SLC4A10: variants seen among roughly 807,000 people sequenced by gnomAD.
The protein encoded by SLC4A10 is solute carrier family 4 member 10, also known as sodium-driven chloride bicarbonate exchanger.
SLC4A10 carries 42 observed loss-of-function variants against 137.7 expected under a neutral mutation model. The ratio of observed to expected loss-of-function variants is 0.30; its 90% CI spans 0.24 to 0.39. The LOEUF is 0.39. Among genes scored for constraint, SLC4A10 ranks in the 10% least tolerant of loss-of-function variants. SLC4A10 has a pLI of 1.00. For synonymous variants in SLC4A10, 474 were observed against 464.1 expected, an observed-to-expected ratio of 1.02 and a Z score of -0.27; for missense variants, 925 against 1,355.0, an observed-to-expected ratio of 0.68 and a Z score of 4.98.
At chr2:161,895,174 T>A (rs1317052269) in intron 11 of SLC4A10, among the ~76,000 whole-genome samples, 4 of 151,830 alleles carry the variant, frequency 2.6e-5, no homozygotes, top group African/African-American at 9.7e-5. Context: ...TTTGGTTTTT[T>A]GCCCTTGCGA....
intron 1 of SLC4A10, among the ~76,000 whole-genome samples, chr2:161,683,383 T>G (rs977056315): frequency 2.0e-5 from 3 of 152,140 alleles, no homozygotes; most frequent in African/African-American, 7.2e-5. Flanking sequence ...GAAACTTCCT[T>G]TAGAAATAAG....
intron 11 of SLC4A10, among the ~76,000 whole-genome samples, chr2:161,897,666 A>G (rs534355984): frequency 6.6e-6 from 1 of 152,244 alleles, no homozygotes; most frequent in African/African-American, 2.4e-5. Flanking sequence ...CTGCTACCAC[A>G]TATTTCAGTT....
chr2:161,967,184 G>T (rs1697753008), intron 23 of SLC4A10, among the ~76,000 whole-genome samples: 1 of 152,152 alleles, frequency 6.6e-6, no homozygotes, highest in African/African-American at 2.4e-5. Context: ...GGACACTTCG[G>T]TTTCCTCCCA....
At position 161,670,958 on chromosome 2, in the gene SLC4A10, A is replaced by C. The variant is rs140717323; in HGVS notation, c.48+46392A>C. Among the ~76,000 whole-genome samples, 232 of 152,220 alleles carry C rather than the reference A, an allele frequency of 1.5e-3. 1 individual carries two copies. Among genetic ancestry groups the C allele is most frequent in the African/African-American group, 4.5e-3 (187 of 41,548 alleles). On this transcript the variant is annotated intron_variant, in intron 1 of 26. Transcript: ENST00000446997. ...TGCTCCTCCTGAGTGTTCTTTTTGA[A>C]TGCAGGACCCATTTTAATATTTCTT...
rs182123854 is a variant in SLC4A10, at chr2:161,895,625, T to A, written c.1341+800T>A. ...CCATTCTAACTGGTGTGAGATGGTATCTCACTGTGTTTTTGATTTGCATTT... is the reference window on the plus strand; with the variant it reads ...CCATTCTAACTGGTGTGAGATGGTAACTCACTGTGTTTTTGATTTGCATTT... On this transcript the variant is annotated intron_variant, in intron 11 of 26. Transcript: ENST00000446997. 7.9e-3 allele frequency among the ~76,000 whole-genome samples: 1,202 copies of A among 152,360 alleles called. 6 individuals are homozygous for A. Among genetic ancestry groups the A allele is most frequent in the Non-Finnish European group, 0.013 (883 of 68,040 alleles).
At chr2:161,693,626 C>G (rs1427299662) in intron 1 of SLC4A10, among the ~76,000 whole-genome samples, 1 of 150,778 alleles carries the variant, frequency 6.6e-6, no homozygotes, top group African/African-American at 2.4e-5. Flanking sequence ...CACCCTTCAG[C>G]CTCTGGCAAC....
chr2:161,728,499 C>T (rs1225741805), intron 1 of SLC4A10, among the ~76,000 whole-genome samples: 8 of 151,924 alleles, frequency 5.3e-5, no homozygotes, highest in Admixed American at 2.0e-4. Flanking sequence ...TGCTCAAACC[C>T]GGGAAATGGA....
At chr2:161,931,775 T>C (rs999285217) in intron 15 of SLC4A10, among the ~76,000 whole-genome samples, 2 of 152,156 alleles carry the variant, frequency 1.3e-5, no homozygotes, top group African/African-American at 4.8e-5. Context: ...AATATAAAAA[T>C]GGGATAGTTT....
At chr2:161,771,556 G>A (rs1288797401) in intron 2 of SLC4A10, among the ~76,000 whole-genome samples, 1 of 151,876 alleles carries the variant, frequency 6.6e-6, no homozygotes, top group Non-Finnish European at 1.5e-5. Flanking sequence ...AAACCAGACT[G>A]CAGTGGATTC....
chr2:161,947,868 G>T, intron 17 of SLC4A10, 141 bp downstream of exon 17: 2 of 935,302 alleles, frequency 2.1e-6, no homozygotes, highest in East Asian at 2.5e-5. Flanking sequence ...AGGGGCTGAA[G>T]AGAAAGAATT....
chr2:161,741,720 G>A (rs1425091705), intron 1 of SLC4A10, among the ~76,000 whole-genome samples: 1 of 151,966 alleles, frequency 6.6e-6, no homozygotes, highest in Non-Finnish European at 1.5e-5. Context: ...TATTTATGGG[G>A]TACATGAGGT....
At chr2:161,712,848 T>A (rs1254880057) in intron 1 of SLC4A10, among the ~76,000 whole-genome samples, 1 of 151,836 alleles carries the variant, frequency 6.6e-6, no homozygotes, top group Non-Finnish European at 1.5e-5. Context: ...GCAGAGTCAG[T>A]TGAATCTCAG....
chr2:161,685,563 G>A (rs2138176), intron 1 of SLC4A10, among the ~76,000 whole-genome samples: 139,377 of 151,978 alleles, frequency 0.92, 63,993 homozygotes, highest in East Asian at 1. Flanking sequence ...AGCCGAAATC[G>A]TGCCACTGCA....
chr2:161,915,278 AAG>A (rs758236400), intron 15 of SLC4A10, among the ~76,000 whole-genome samples: 13 of 152,150 alleles, frequency 8.5e-5, no homozygotes, highest in Non-Finnish European at 1.6e-4. Flanking sequence ...CCCGTCCGCT[AAG>A]AGCTGCTTTC....
intron 1 of SLC4A10, among the ~76,000 whole-genome samples, chr2:161,693,431 G>A (rs1248987117): frequency 1.3e-5 from 2 of 152,002 alleles, no homozygotes; most frequent in African/African-American, 4.8e-5. Context: ...TTAAACTGTT[G>A]TCTACTTCCT....
chr2:161,791,293 G>T (rs2054181124), intron 2 of SLC4A10, among the ~76,000 whole-genome samples: 1 of 152,064 alleles, frequency 6.6e-6, no homozygotes, highest in African/African-American at 2.4e-5. Flanking sequence ...GCCATAAAAA[G>T]GAACAAGATC....
At chr2:161,779,246 G>C (rs2052731606) in intron 2 of SLC4A10, among the ~76,000 whole-genome samples, 2 of 151,918 alleles carry the variant, frequency 1.3e-5, no homozygotes, top group African/African-American at 4.8e-5. Flanking sequence ...TCACTACCAT[G>C]AGAAGGGCAC....
chr2:161,707,746 A>C lies in SLC4A10; in HGVS notation c.49-63227A>C, dbSNP rs975197674. Among the ~76,000 whole-genome samples the C allele has an allele frequency of 2.0e-5, 3 of 151,518 alleles. No individual in the cohort carries two copies. In the Admixed American group the frequency reaches 2.0e-4, roughly 10 times the overall value. On this transcript the variant is annotated intron_variant, in intron 1 of 26. Transcript: ENST00000446997. ...CAGTTTTAGCATTTGATAATACCAC[A>C]TTATCTTTTGCATGTAAATTCTTTA...
intron 15 of SLC4A10, among the ~76,000 whole-genome samples, chr2:161,910,854 C>T (rs1172706149): frequency 2.6e-5 from 4 of 151,906 alleles, no homozygotes; most frequent in Admixed American, 6.6e-5. Context: ...CTCATCTTCT[C>T]GACTAGATTT....
Sources: allele counts gnomAD v4.1 joint callset (sites outside exome capture counted in the v4.1 genomes callset), GRCh38; gene constraint gnomAD v4.1.1; transcripts MANE v1.5; gene names NCBI Gene and HGNC (gene_info 2026-07-23, HGNC 2026-07-21).